The following CTNNA3 variants were observed in gnomAD, a reference collection of about 807,000 sequenced individuals.
CTNNA3 encodes the protein catenin alpha 3.
In CTNNA3, 76 loss-of-function variants were observed where a neutral mutation model predicts 95.7. The ratio of observed to expected loss-of-function variants is 0.79; its 90% confidence interval spans 0.66 to 0.96. The LOEUF (loss-of-function observed/expected upper bound fraction) is 0.96. Ranked by LOEUF, CTNNA3 falls within the 40% of genes least tolerant of loss-of-function variation. The pLI is 0.00. For synonymous variants in CTNNA3, 431 were observed against 374.4 expected, an observed-to-expected ratio of 1.15 and a Z score of -1.74; for missense variants, 1,191 against 1,089.8, an observed-to-expected ratio of 1.09 and a Z score of -1.31.
chr10:67,208,772 A>G (rs1454685712), intron 6 of CTNNA3, among the ~76,000 whole-genome samples: 5 of 152,188 alleles, frequency 3.3e-5, no homozygotes, highest in Non-Finnish European at 7.3e-5. Flanking sequence ...TAATTTCCAT[A>G]ATTGTATAAT....
intron 1 of CTNNA3, among the ~76,000 whole-genome samples, chr10:67,744,450 A>T (rs1841361841): frequency 2.0e-5 from 3 of 151,366 alleles, no homozygotes; most frequent in Admixed American, 6.6e-5. Flanking sequence ...GGCTAGCCAT[A>T]TGTAGAAAGC....
At chr10:66,578,186 C>T (rs1454671530) in intron 10 of CTNNA3, among the ~76,000 whole-genome samples, 1 of 151,914 alleles carries the variant, frequency 6.6e-6, no homozygotes, top group East Asian at 1.9e-4. Context: ...TACTCTGAAA[C>T]TTTACTAAGG....
chr10:67,537,360 T>C (rs948555644), intron 4 of CTNNA3, among the ~76,000 whole-genome samples: 11 of 152,184 alleles, frequency 7.2e-5, no homozygotes, highest in Non-Finnish European at 1.3e-4. Context: ...ATTTGTTAAA[T>C]AGAAATCATG....
chr10:67,129,160 A>G (rs1006937430), intron 7 of CTNNA3, among the ~76,000 whole-genome samples: 13 of 152,206 alleles, frequency 8.5e-5, no homozygotes, highest in African/African-American at 1.4e-4. Context: ...TAATCTCTAC[A>G]TAGCACTTGC....
chr10:65,933,402 T>G (rs1345348100), intron 17 of CTNNA3, among the ~76,000 whole-genome samples: 3 of 152,168 alleles, frequency 2.0e-5, no homozygotes, highest in Non-Finnish European at 4.4e-5. Flanking sequence ...CTGATATACT[T>G]CCTGGAGCAG....
chr10:67,348,730 C>A (rs1842528652), intron 5 of CTNNA3, among the ~76,000 whole-genome samples: 1 of 152,106 alleles, frequency 6.6e-6, no homozygotes, highest in Admixed American at 6.6e-5. Flanking sequence ...CCCCATGACC[C>A]AAACACCTCC....
intron 13 of CTNNA3, among the ~76,000 whole-genome samples, chr10:66,148,003 G>A (rs1289438464): frequency 6.7e-6 from 1 of 150,340 alleles, no homozygotes. Flanking sequence ...CTTCTGAAGG[G>A]TGATACAAGG....
chr10:67,157,501 G>C (rs1175688858), intron 7 of CTNNA3, among the ~76,000 whole-genome samples: 1 of 152,086 alleles, frequency 6.6e-6, no homozygotes, highest in Non-Finnish European at 1.5e-5. Flanking sequence ...GAAAAAAGGA[G>C]AACACATATC....
chr10:66,924,376 A>G (rs1846950739), intron 7 of CTNNA3, among the ~76,000 whole-genome samples: 1 of 152,220 alleles, frequency 6.6e-6, no homozygotes, highest in South Asian at 2.1e-4. Context: ...TCACCTAACA[A>G]AAAACAACAA....
intron 5 of CTNNA3, among the ~76,000 whole-genome samples, chr10:67,360,414 A>AG (rs1433806191): frequency 6.8e-6 from 1 of 147,086 alleles, no homozygotes; most frequent in Non-Finnish European, 1.5e-5. Context: ...GAGAGCAAGC[A>AG]GGAAAAAAAA....
intron 7 of CTNNA3, among the ~76,000 whole-genome samples, chr10:67,039,522 A>T (rs1306757743): frequency 1.3e-5 from 2 of 152,182 alleles, no homozygotes; most frequent in South Asian, 4.1e-4. Flanking sequence ...TGGGTGATGC[A>T]TAATAATTTA....
Position 66,775,451 on chromosome 10 carries a change from C to G in CTNNA3, c.1121G>C (p.Arg374Pro). The change falls in exon 8 of 18, where the codon CGC becomes CCC. Residue 374 changes from arginine (R) to proline (P), a missense_variant. By Grantham distance (103) the Arg-to-Pro change is moderately radical. Coordinates refer to ENST00000433211, the MANE Select transcript of CTNNA3 (RefSeq NM_013266.4). ...DNMCKKTRDL[R>P]RQLRKAIIDH... is the part of the protein sequence containing the mutation. ...ATCTCTCTCTTCCCTCACCTGTCTGCGAAGGTCTCTTGTCTTCTTACACAT... is the reference window on the plus strand; with the variant it reads ...ATCTCTCTCTTCCCTCACCTGTCTGGGAAGGTCTCTTGTCTTCTTACACAT... The G allele has an allele frequency of 1.9e-6, 3 of 1,607,862 alleles. No individual in the cohort carries two copies. The highest frequency in any genetic ancestry group is 2.6e-6 in the Non-Finnish European group (3 of 1,176,278).
chr10:67,202,997 A>T (rs1045109328), intron 6 of CTNNA3, among the ~76,000 whole-genome samples: 1 of 152,206 alleles, frequency 6.6e-6, no homozygotes, highest in Non-Finnish European at 1.5e-5. Flanking sequence ...TTGTGTTAAA[A>T]TGATTTACCT....
At chr10:66,933,237 CT>C (rs1847509476) in intron 7 of CTNNA3, among the ~76,000 whole-genome samples, 1 of 152,196 alleles carries the variant, frequency 6.6e-6, no homozygotes, top group Non-Finnish European at 1.5e-5. Context: ...TCGTCTTTGA[CT>C]TTCTGTTTTC....
intron 5 of CTNNA3, among the ~76,000 whole-genome samples, chr10:67,315,968 T>C (rs1256365786): frequency 1.3e-5 from 2 of 152,122 alleles, no homozygotes; most frequent in Admixed American, 1.3e-4. Flanking sequence ...TGACTCCTAA[T>C]AAATAGTCGT....
Position 66,367,850 on chromosome 10 carries a change from TATAATAATAATAATAATA to T in CTNNA3, c.1732+11284_1732+11301del, listed in dbSNP as rs201921395. Reference sequence around the variant, plus strand: ...TTCTGCATCTTTTTAAGGCTTCTTTTATAATAATAATAATAATAATAATAATAATAATTATTATTATTA... The same window carrying T: ...TTCTGCATCTTTTTAAGGCTTCTTTTATAATAATAATAATTATTATTATTA... On this transcript the variant is annotated intron_variant, in intron 12 of 17. Transcript: ENST00000433211. Among the ~76,000 whole-genome samples the T allele has an allele frequency of 3.1e-3, 309 of 100,222 alleles. 1 individual carries two copies. The highest frequency in any genetic ancestry group is 9.6e-3 in the African/African-American group (232 of 24,104). The allele number at this position is 100,222 out of a possible 152,430, so 65.7% of individuals were successfully genotyped here.
At chr10:66,451,844 T>TTCCTTTTACCATGTCATA (rs1482358910) in intron 11 of CTNNA3, among the ~76,000 whole-genome samples, 5 of 152,206 alleles carry the variant, frequency 3.3e-5, no homozygotes, top group African/African-American at 7.2e-5. Context: ...TCCTACTTCC[T>TTCCTTTTACCATGTCATA]AAGCATCCCG....
chr10:67,656,383 A>T (rs1430563195), intron 1 of CTNNA3, among the ~76,000 whole-genome samples: 1 of 152,194 alleles, frequency 6.6e-6, no homozygotes, highest in Non-Finnish European at 1.5e-5. Context: ...TTGGTAGGCT[A>T]TAAGAGCAAA....
chr10:67,711,568 A>AATTTCTTTTCTT (rs1554878498), intron 1 of CTNNA3, among the ~76,000 whole-genome samples: 1 of 133,974 alleles, frequency 7.5e-6, no homozygotes, highest in Non-Finnish European at 1.6e-5. Flanking sequence ...TGGCAGAAGA[A>AATTTCTTTTCTT]ATTTATTTAT....
Sources: gnomAD v4.1 joint callset for allele counts (sites outside exome capture counted in the v4.1 genomes callset) on GRCh38, gnomAD v4.1.1 for gene constraint, MANE v1.5 for transcripts, NCBI Gene and HGNC (gene_info 2026-07-23, HGNC 2026-07-21) for gene names.